Variants in ZFAND3 observed in about 807,000 individuals in gnomAD.
ZFAND3 encodes zinc finger AN1-type containing 3.
A neutral mutation model predicts 29.6 loss-of-function variants in ZFAND3; 10 were observed. That is an observed-to-expected ratio of 0.34 (90% CI 0.21 to 0.57). ZFAND3 has a LOEUF of 0.57. Ranked by LOEUF, ZFAND3 falls within the 20% of genes least tolerant of loss-of-function variation. The probability of loss-of-function intolerance (pLI) is 0.86; values close to 1 mark genes in which losing one functional copy is unlikely to be tolerated. For synonymous variants in ZFAND3, 128 were observed against 112.6 expected, an observed-to-expected ratio of 1.14 and a Z score of -0.87; for missense variants, 230 against 304.5, an observed-to-expected ratio of 0.76 and a Z score of 1.82.
At chr6:37,923,075 A>G (rs1761414721) in intron 1 of ZFAND3, among the ~76,000 whole-genome samples, 1 of 152,234 alleles carries the variant, frequency 6.6e-6, no homozygotes, top group Non-Finnish European at 1.5e-5. Context: ...AACACATTGT[A>G]TAGTTACACA....
intron 4 of ZFAND3, among the ~76,000 whole-genome samples, chr6:38,089,050 C>T (rs1581907532): frequency 6.6e-6 from 1 of 152,092 alleles, no homozygotes; most frequent in Non-Finnish European, 1.5e-5. Context: ...ACTAGAATAG[C>T]TTTGTATTGT....
chr6:38,085,991 G>C (rs369549005), intron 4 of ZFAND3, among the ~76,000 whole-genome samples: 2 of 152,266 alleles, frequency 1.3e-5, no homozygotes, highest in East Asian at 3.9e-4. Context: ...TTACTGTTTT[G>C]ATCAGGTGAA....
At chr6:38,071,725 G>A (rs1179611485) in intron 3 of ZFAND3, among the ~76,000 whole-genome samples, 1 of 151,944 alleles carries the variant, frequency 6.6e-6, no homozygotes, top group African/African-American at 2.4e-5. Context: ...TATGTTCTTG[G>A]CAAGAGAATG....
chr6:38,072,858 T>C (rs192719859), intron 3 of ZFAND3, among the ~76,000 whole-genome samples: 1 of 152,358 alleles, frequency 6.6e-6, no homozygotes, highest in East Asian at 1.9e-4. Flanking sequence ...GATGATTCTT[T>C]AGATTTAATA....
intron 2 of ZFAND3, among the ~76,000 whole-genome samples, chr6:38,047,973 G>GT (rs58542714): frequency 0.31 from 41,980 of 137,396 alleles, 6,614 homozygotes; most frequent in East Asian, 0.61. Flanking sequence ...GGTTTTTTTT[G>GT]TTTTTTTTTT....
chr6:37,851,960 T>A (rs1764289722), intron 1 of ZFAND3, among the ~76,000 whole-genome samples: 1 of 152,206 alleles, frequency 6.6e-6, no homozygotes, highest in African/African-American at 2.4e-5. Context: ...TGCAGTAAAG[T>A]GTTCATCTTA....
intron 1 of ZFAND3, among the ~76,000 whole-genome samples, chr6:37,881,939 A>G (rs80066706): frequency 0.013 from 2,019 of 152,278 alleles, 24 homozygotes; most frequent in Middle Eastern, 0.034. Flanking sequence ...CATGAAGACT[A>G]TAGGTCAGTG....
chr6:37,931,216 G>GTT (rs1404022850), intron 2 of ZFAND3, among the ~76,000 whole-genome samples: 1 of 152,164 alleles, frequency 6.6e-6, no homozygotes, highest in Non-Finnish European at 1.5e-5. Flanking sequence ...AGGATTCACA[G>GTT]TTGTAAGCCC....
intron 2 of ZFAND3, among the ~76,000 whole-genome samples, chr6:37,997,564 T>C (rs554278251): frequency 6.6e-6 from 1 of 152,260 alleles, no homozygotes; most frequent in East Asian, 1.9e-4. Context: ...CTACTTGAAG[T>C]TAAGACAGCC....
At chr6:37,982,160 G>A (rs1350357126) in intron 2 of ZFAND3, among the ~76,000 whole-genome samples, 1 of 151,322 alleles carries the variant, frequency 6.6e-6, no homozygotes. Context: ...TCTGTCCTTT[G>A]TCCACAAGGA....
intron 4 of ZFAND3, among the ~76,000 whole-genome samples, chr6:38,086,631 C>T (rs1049380716): frequency 6.6e-5 from 10 of 152,190 alleles, no homozygotes; most frequent in African/African-American, 2.4e-4. Context: ...CCTTTTGTCC[C>T]TCATCTTTTC....
At chr6:38,006,234 G>A (rs1414130791) in intron 2 of ZFAND3, among the ~76,000 whole-genome samples, 5 of 152,130 alleles carry the variant, frequency 3.3e-5, no homozygotes, top group South Asian at 2.1e-4. Context: ...TGAGTTTAAT[G>A]GACCTGAGGT....
chr6:37,830,632 A>G (rs1221213130), intron 1 of ZFAND3, among the ~76,000 whole-genome samples: 1 of 152,248 alleles, frequency 6.6e-6, no homozygotes, highest in Non-Finnish European at 1.5e-5. Context: ...AGTTAAAGAA[A>G]AATGCTTCAT....
chr6:37,834,681 A>T (rs562644872), intron 1 of ZFAND3, among the ~76,000 whole-genome samples: 1 of 149,580 alleles, frequency 6.7e-6, no homozygotes, highest in Non-Finnish European at 1.5e-5. Flanking sequence ...TGCTGACACT[A>T]TATGATACAT....
chr6:38,057,272 T>C (rs1363344755), intron 2 of ZFAND3, among the ~76,000 whole-genome samples: 1 of 152,170 alleles, frequency 6.6e-6, no homozygotes, highest in African/African-American at 2.4e-5. Context: ...CTTCTTTACA[T>C]GTAATATAAA....
chr6:37,830,050 A>G (rs1763832151), intron 1 of ZFAND3, among the ~76,000 whole-genome samples: 1 of 152,206 alleles, frequency 6.6e-6, no homozygotes, highest in Admixed American at 6.5e-5. Flanking sequence ...AAGCCACCAA[A>G]TTTACCTAAA....
chr6:37,963,592 G>GA (rs74536857), intron 2 of ZFAND3, among the ~76,000 whole-genome samples: 67 of 145,228 alleles, frequency 4.6e-4, no homozygotes, highest in East Asian at 5.9e-4. Flanking sequence ...GCCAGACTAA[G>GA]AAAAAAAAAA....
intron 2 of ZFAND3, among the ~76,000 whole-genome samples, chr6:38,041,110 G>T (rs1228205001): frequency 6.6e-6 from 1 of 152,070 alleles, no homozygotes; most frequent in Non-Finnish European, 1.5e-5. Context: ...TTATTTTGTA[G>T]AATGTCCCTC....
chr6:37,850,258 A>C (rs1561910407), intron 1 of ZFAND3, among the ~76,000 whole-genome samples: 1 of 152,198 alleles, frequency 6.6e-6, no homozygotes, highest in African/African-American at 2.4e-5. Context: ...ATTTTGGAAG[A>C]GATGAGGTTT....
Sources: allele counts gnomAD v4.1 joint callset (sites outside exome capture counted in the v4.1 genomes callset), GRCh38; gene constraint gnomAD v4.1.1; transcripts MANE v1.5; gene names NCBI Gene and HGNC (gene_info 2026-07-23, HGNC 2026-07-21).